The following SUCLG2 variants were observed in gnomAD, a reference collection of about 807,000 sequenced individuals.
SUCLG2 encodes the protein succinate--CoA ligase [GDP-forming] subunit beta, mitochondrial.
In SUCLG2, 42 loss-of-function variants were observed where a neutral mutation model predicts 47.9. The ratio of observed to expected loss-of-function variants is 0.88; its 90% CI spans 0.69 to 1.14. SUCLG2 has a LOEUF of 1.14. SUCLG2 is among the 50% of genes most tolerant of loss of function. The probability of loss-of-function intolerance (pLI) is 0.00; values close to 1 mark genes in which losing one functional copy is unlikely to be tolerated. For synonymous variants in SUCLG2, 195 were observed against 197.3 expected, an observed-to-expected ratio of 0.99 and a Z score of 0.10; for missense variants, 571 against 525.9, an observed-to-expected ratio of 1.09 and a Z score of -0.84.
At chr3:67,524,824 T>C (rs12490299) in intron 4 of SUCLG2, among the ~76,000 whole-genome samples, 8,603 of 152,132 alleles carry the variant, frequency 0.057, 346 homozygotes, top group East Asian at 0.17. Flanking sequence ...GTAGTGAGTC[T>C]CCTATGTTTT....
At position 67,437,707 on chromosome 3, in the gene SUCLG2, G is replaced by C. The variant is rs1703658107; in HGVS notation, c.1063-36856C>G. Among the ~76,000 whole-genome samples the C allele has an allele frequency of 4.6e-5, 7 of 152,012 alleles. No homozygotes were observed. The South Asian group carries it at 1.5e-3, about 32-fold the overall frequency. ...AGTTTATAAAATATGGATTTAGGTG[G>C]GGAGAATTTCATGCATCAGAAAATT... On this transcript the variant is annotated intron_variant, in intron 9 of 10. Transcript: ENST00000307227.
intron 1 of SUCLG2, among the ~76,000 whole-genome samples, chr3:67,621,327 A>C (rs1023182582): frequency 2.0e-5 from 3 of 151,240 alleles, no homozygotes; most frequent in African/African-American, 7.3e-5. Context: ...GGTTTAAGGA[A>C]AAAAAAAAGA....
intron 1 of SUCLG2, among the ~76,000 whole-genome samples, chr3:67,646,653 G>GA (rs374112567): frequency 0.012 from 1,670 of 144,240 alleles, 33 homozygotes; most frequent in African/African-American, 0.039. Flanking sequence ...ATGTGAAAAA[G>GA]AAAAAAAAAA....
chr3:67,560,574 G>A (rs1041594280), intron 2 of SUCLG2, among the ~76,000 whole-genome samples: 2 of 152,090 alleles, frequency 1.3e-5, no homozygotes, highest in African/African-American at 2.4e-5. Context: ...ATTGTGGTGG[G>A]GGTTCAATTA....
intron 1 of SUCLG2, among the ~76,000 whole-genome samples, chr3:67,640,123 T>C (rs1387523405): frequency 5.3e-5 from 8 of 152,104 alleles, no homozygotes; most frequent in Admixed American, 2.0e-4. Flanking sequence ...AAACTGAAAA[T>C]TTCTCCGTGA....
chr3:67,360,478 AT>A, exon 11 of SUCLG2: 2 of 729,890 alleles, frequency 2.7e-6, no homozygotes, highest in Non-Finnish European at 4.2e-6. Flanking sequence ...ATTCTAAAAT[AT>A]TTTTGGTGAA....
chr3:67,428,540 T>C (rs7623396), intron 9 of SUCLG2, among the ~76,000 whole-genome samples: 116,527 of 152,098 alleles, frequency 0.77, 44,898 homozygotes, highest in Admixed American at 0.86. Context: ...AGCATCTCTT[T>C]CCCTCAAAAG....
At chr3:67,433,071 G>A (rs1243818842) in intron 9 of SUCLG2, among the ~76,000 whole-genome samples, 1 of 152,080 alleles carries the variant, frequency 6.6e-6, no homozygotes, top group African/African-American at 2.4e-5. Context: ...TAGGGGAAAG[G>A]GTGTCTATTA....
intron 9 of SUCLG2, among the ~76,000 whole-genome samples, chr3:67,464,613 T>C (rs1257627717): frequency 6.6e-6 from 1 of 152,216 alleles, no homozygotes; most frequent in East Asian, 1.9e-4. Context: ...TCTTACATGC[T>C]ACTCTTCTGA....
chr3:67,491,612 C>G (rs1002173791), intron 9 of SUCLG2, among the ~76,000 whole-genome samples: 3 of 152,058 alleles, frequency 2.0e-5, no homozygotes, highest in Non-Finnish European at 2.9e-5. Context: ...CCCACTTCGG[C>G]CTCCCAAAGT....
At chr3:67,628,740 G>T (rs1700877618) in intron 1 of SUCLG2, among the ~76,000 whole-genome samples, 1 of 152,086 alleles carries the variant, frequency 6.6e-6, no homozygotes, top group Non-Finnish European at 1.5e-5. Flanking sequence ...CTTCTCCTTT[G>T]CCTTCCACCA....
intron 7 of SUCLG2, 79 bp from the exon 8 acceptor site, chr3:67,498,374 A>C (rs899432596): frequency 6.8e-7 from 1 of 1,480,724 alleles, no homozygotes; most frequent in Non-Finnish European, 9.2e-7. Context: ...GGTAGGCACA[A>C]GCGAAGGGAA....
intron 10 of SUCLG2, among the ~76,000 whole-genome samples, chr3:67,362,125 T>C (rs528144723): frequency 1.3e-5 from 2 of 152,312 alleles, no homozygotes; most frequent in South Asian, 4.1e-4. Context: ...TTTGAGATGA[T>C]TTGTTATACA....
intron 10 of SUCLG2, among the ~76,000 whole-genome samples, chr3:67,396,324 A>C (rs1245732035): frequency 6.6e-6 from 1 of 152,150 alleles, no homozygotes; most frequent in Non-Finnish European, 1.5e-5. Context: ...ACGCAATAAA[A>C]AATGATAAGG....
chr3:67,449,577 T>C (rs560376927), intron 9 of SUCLG2, among the ~76,000 whole-genome samples: 2 of 151,160 alleles, frequency 1.3e-5, no homozygotes, highest in South Asian at 4.2e-4. Context: ...ACCACAACAG[T>C]GCACACTATC....
chr3:67,602,597 T>C (rs1246863689), intron 2 of SUCLG2, among the ~76,000 whole-genome samples: 1 of 152,122 alleles, frequency 6.6e-6, no homozygotes, highest in Non-Finnish European at 1.5e-5. Flanking sequence ...GGGGATCTCT[T>C]TGCAAAAATA....
At chr3:67,364,178 C>G (rs984145645) in intron 10 of SUCLG2, among the ~76,000 whole-genome samples, 1 of 152,196 alleles carries the variant, frequency 6.6e-6, no homozygotes, top group African/African-American at 2.4e-5. Flanking sequence ...GGAGCTCTGA[C>G]TTTCACCCTC....
intron 9 of SUCLG2, among the ~76,000 whole-genome samples, chr3:67,489,397 C>T (rs1230486842): frequency 6.6e-6 from 1 of 152,120 alleles, no homozygotes; most frequent in South Asian, 2.1e-4. Context: ...AAATAAAGAG[C>T]TATTCTAAGT....
At chr3:67,482,007 T>A (rs947356028) in intron 9 of SUCLG2, among the ~76,000 whole-genome samples, 1 of 152,154 alleles carries the variant, frequency 6.6e-6, no homozygotes, top group African/African-American at 2.4e-5. Flanking sequence ...GGCGAAGCCC[T>A]GTGTCTACTA....
Sources: gnomAD v4.1 joint callset for allele counts (sites outside exome capture counted in the v4.1 genomes callset) on GRCh38, gnomAD v4.1.1 for gene constraint, MANE v1.5 for transcripts, NCBI Gene and HGNC (gene_info 2026-07-23, HGNC 2026-07-21) for gene names.